Variants in SLC4A4 observed in about 807,000 individuals in gnomAD.
The protein encoded by SLC4A4 is solute carrier family 4 member 4.
A neutral mutation model predicts 111.5 loss-of-function variants in SLC4A4; 27 were observed. The observed-to-expected ratio is 0.24, with a 90% CI of 0.18 to 0.33. The LOEUF (loss-of-function observed/expected upper bound fraction) is 0.33, where lower values mean the gene tolerates loss of function less well. Among genes scored for constraint, SLC4A4 ranks in the 10% least tolerant of loss-of-function variants. The pLI, the probability that SLC4A4 is intolerant of heterozygous loss-of-function variation, is 1.00. For synonymous variants in SLC4A4, 443 were observed against 463.4 expected (o/e 0.96, Z 0.57); for missense variants, 909 against 1,315.5 (o/e 0.69, Z 4.78).
intron 6 of SLC4A4, among the ~76,000 whole-genome samples, chr4:71,366,725 AT>A (rs1191934936): frequency 2.0e-5 from 3 of 152,220 alleles, no homozygotes; most frequent in Admixed American, 2.0e-4. Flanking sequence ...TTACCATGGT[AT>A]AATTACAGAA....
At chr4:71,110,719 T>C (rs1743062383) in intron 2 of SLC4A4, among the ~76,000 whole-genome samples, 1 of 152,166 alleles carries the variant, frequency 6.6e-6, no homozygotes, top group South Asian at 2.1e-4. Flanking sequence ...AGAAGTCAAC[T>C]GATGTTTTGT....
chr4:71,115,871 A>C (rs1743229340), intron 2 of SLC4A4, among the ~76,000 whole-genome samples: 1 of 152,182 alleles, frequency 6.6e-6, no homozygotes, highest in South Asian at 2.1e-4. Flanking sequence ...AAAAGTATTT[A>C]ACATATATTC....
chr4:71,246,647 G>T (rs1023798227), intron 2 of SLC4A4, among the ~76,000 whole-genome samples: 2 of 152,142 alleles, frequency 1.3e-5, no homozygotes, highest in African/African-American at 4.8e-5. Context: ...TTGTCATTCT[G>T]TATCTCTAAG....
intron 1 of SLC4A4, among the ~76,000 whole-genome samples, chr4:71,234,901 A>C (rs974833535): frequency 2.7e-4 from 41 of 152,208 alleles, no homozygotes; most frequent in African/African-American, 9.7e-4. Context: ...AAATCTTGCA[A>C]GTGTCCAGAG....
chr4:71,227,372 G>A (rs1457358110), intron 1 of SLC4A4, among the ~76,000 whole-genome samples: 4 of 152,134 alleles, frequency 2.6e-5, no homozygotes, highest in Non-Finnish European at 4.4e-5. Flanking sequence ...ACTTTAAAAG[G>A]AGAGATACCA....
chr4:71,530,333 T>C (rs1395077575), intron 16 of SLC4A4, among the ~76,000 whole-genome samples: 1 of 152,156 alleles, frequency 6.6e-6, no homozygotes, highest in East Asian at 1.9e-4. Flanking sequence ...TCTTACTTAA[T>C]TCTGATAACA....
intron 2 of SLC4A4, among the ~76,000 whole-genome samples, chr4:71,117,202 G>A (rs1273974651): frequency 1.3e-5 from 2 of 152,042 alleles, no homozygotes; most frequent in Non-Finnish European, 2.9e-5. Context: ...GGCGGATCTC[G>A]AAATCCAGGC....
At chr4:71,268,527 G>C (rs1009211013) in intron 3 of SLC4A4, among the ~76,000 whole-genome samples, 1 of 152,230 alleles carries the variant, frequency 6.6e-6, no homozygotes, top group Non-Finnish European at 1.5e-5. Context: ...TAGGACAAGA[G>C]GAGACATTTC....
intron 16 of SLC4A4, among the ~76,000 whole-genome samples, chr4:71,506,606 T>C (rs1177251337): frequency 6.6e-6 from 1 of 152,156 alleles, no homozygotes; most frequent in Non-Finnish European, 1.5e-5. Flanking sequence ...TGATGGGGTT[T>C]TCTAGATACA....
At chr4:71,232,146 G>A (rs1013800611) in intron 1 of SLC4A4, among the ~76,000 whole-genome samples, 29 of 152,184 alleles carry the variant, frequency 1.9e-4, no homozygotes, top group African/African-American at 6.5e-4. Flanking sequence ...ACAGGGAAGA[G>A]GCTGCTTTGA....
At chr4:71,460,901 G>A (rs2149091067) in intron 12 of SLC4A4, among the ~76,000 whole-genome samples, 1 of 152,138 alleles carries the variant, frequency 6.6e-6, no homozygotes, top group African/African-American at 2.4e-5. Context: ...CTTCTGAGAT[G>A]ACTCTCATGT....
At chr4:71,241,221 T>A (rs1297267580) in intron 2 of SLC4A4, among the ~76,000 whole-genome samples, 1 of 152,170 alleles carries the variant, frequency 6.6e-6, no homozygotes, top group Non-Finnish European at 1.5e-5. Flanking sequence ...TTGGTATTAC[T>A]CCTGCTTGAT....
chr4:71,305,684 TG>T (rs1227600756), intron 3 of SLC4A4, among the ~76,000 whole-genome samples: 6 of 152,366 alleles, frequency 3.9e-5, no homozygotes, highest in Non-Finnish European at 8.8e-5. Flanking sequence ...GTGTTTCATC[TG>T]TTCATGCATT....
chr4:71,260,004 C>T (rs1329290663), intron 3 of SLC4A4, among the ~76,000 whole-genome samples: 7 of 152,136 alleles, frequency 4.6e-5, no homozygotes, highest in South Asian at 2.1e-4. Context: ...GGAATCATAG[C>T]GCTAGGTATG....
chr4:71,167,959 C>A (rs1011398474), intron 2 of SLC4A4, among the ~76,000 whole-genome samples: 2 of 151,986 alleles, frequency 1.3e-5, no homozygotes, highest in African/African-American at 4.8e-5. Context: ...AATAGAATAC[C>A]TAAGGCTGGG....
intron 2 of SLC4A4, among the ~76,000 whole-genome samples, chr4:71,100,360 T>A (rs1742691066): frequency 6.6e-6 from 1 of 151,124 alleles, no homozygotes. Flanking sequence ...AAAAAACACA[T>A]GATTATCTCA....
chr4:71,070,698 T>C (rs760039785), intron 1 of SLC4A4, among the ~76,000 whole-genome samples: 3 of 152,198 alleles, frequency 2.0e-5, no homozygotes, highest in Non-Finnish European at 2.9e-5. Flanking sequence ...CTGGTTTGAA[T>C]GTAAAACAAT....
intron 18 of SLC4A4, among the ~76,000 whole-genome samples, chr4:71,536,460 A>ATATATATATATATG (rs1364893628): frequency 3.9e-5 from 2 of 51,948 alleles, no homozygotes; most frequent in Non-Finnish European, 7.8e-5. Flanking sequence ...ATATATACAT[A>ATATATATATATATG]TATACATATA....
chr4:71,083,780 C>T (rs1163766710), intron 1 of SLC4A4, among the ~76,000 whole-genome samples: 1 of 105,516 alleles, frequency 9.5e-6, no homozygotes, highest in Admixed American at 1.4e-4. Flanking sequence ...TTTTAATCCC[C>T]GCCCCCCGCC....
Sources: gnomAD v4.1 joint callset for allele counts (sites outside exome capture counted in the v4.1 genomes callset) on GRCh38, gnomAD v4.1.1 for gene constraint, MANE v1.5 for transcripts, NCBI Gene and HGNC (gene_info 2026-07-23, HGNC 2026-07-21) for gene names.